GALNT13: variants seen among roughly 807,000 people sequenced by gnomAD.
GALNT13 encodes UDP-GalNAc:polypeptide N-acetylgalactosaminyltransferase 13.
A neutral mutation model predicts 64.2 loss-of-function variants in GALNT13; 28 were observed. The observed-to-expected ratio is 0.44, with a 90% CI of 0.32 to 0.60. The LOEUF (loss-of-function observed/expected upper bound fraction) is 0.60. Among genes scored for constraint, GALNT13 ranks in the 20% least tolerant of loss-of-function variants. GALNT13 has a pLI of 0.05. For missense variants in GALNT13, 577 were observed against 669.8 expected (o/e 0.86, Z 1.53); for synonymous variants, 214 against 224.6 (o/e 0.95, Z 0.42).
rs181385110 is a variant in GALNT13 at position 154,012,598 on chromosome 2, T to C, written c.142+67959T>C. ...AGGGGTTCTCTGTATTTTTTGAACA[T>C]GAATATTGGCCTCTCTGGGGACATG... On this transcript the variant is annotated intron_variant, in intron 3 of 12. Transcript: ENST00000392825. Among the ~76,000 whole-genome samples the C allele has an allele frequency of 8.2e-3, 1,254 of 152,268 alleles. 7 individuals carry two copies. The highest frequency in any genetic ancestry group is 0.014 in the South Asian group (66 of 4,824).
At chr2:153,734,131 G>A in the GALNT13 span, among the ~76,000 whole-genome samples, 4 of 152,070 alleles carry the variant, frequency 2.6e-5, no homozygotes, top group Non-Finnish European at 4.4e-5. Flanking sequence ...TAAGTTTTCT[G>A]GCTTCTGGTG....
the GALNT13 span, among the ~76,000 whole-genome samples, chr2:153,278,299 G>A: frequency 6.6e-6 from 1 of 152,074 alleles, no homozygotes; most frequent in East Asian, 1.9e-4. Flanking sequence ...CTGTCATTCT[G>A]TAGGTTGTCT....
the GALNT13 span, among the ~76,000 whole-genome samples, chr2:153,207,830 C>T: frequency 6.6e-6 from 1 of 152,124 alleles, no homozygotes; most frequent in Non-Finnish European, 1.5e-5. Flanking sequence ...AAGCACTTGG[C>T]AGCACCAAAT....
intron 3 of GALNT13, among the ~76,000 whole-genome samples, chr2:154,060,818 T>C (rs960499761): frequency 3.3e-5 from 5 of 151,930 alleles, no homozygotes; most frequent in African/African-American, 4.8e-5. Context: ...CAAGAAAGTA[T>C]ATTAGGAAAG....
At chr2:153,209,560 C>T in the GALNT13 span, among the ~76,000 whole-genome samples, 1 of 152,150 alleles carries the variant, frequency 6.6e-6, no homozygotes, top group East Asian at 1.9e-4. Flanking sequence ...ACTTTCTTGA[C>T]TACTGTAGCT....
the GALNT13 span, among the ~76,000 whole-genome samples, chr2:153,279,564 C>T: frequency 7.1e-6 from 1 of 140,300 alleles, no homozygotes; most frequent in Non-Finnish European, 1.5e-5. Context: ...GGGCTTTTAT[C>T]ATGAAGAAAT....
chr2:153,187,999 T>C, the GALNT13 span, among the ~76,000 whole-genome samples: 1 of 152,058 alleles, frequency 6.6e-6, no homozygotes. Flanking sequence ...TTGTTAAATA[T>C]AAGCATGTAT....
the GALNT13 span, among the ~76,000 whole-genome samples, chr2:153,850,473 C>G: frequency 1.3e-5 from 2 of 152,114 alleles, no homozygotes; most frequent in African/African-American, 4.8e-5. Flanking sequence ...TATAAAAACA[C>G]AAGAAGTTTT....
the GALNT13 span, among the ~76,000 whole-genome samples, chr2:153,373,157 T>TGTGTGTGTGC: frequency 6.6e-6 from 1 of 151,918 alleles, no homozygotes; most frequent in Non-Finnish European, 1.5e-5. Context: ...TGTGTGTGTG[T>TGTGTGTGTGC]GTGCACGTGT....
the GALNT13 span, among the ~76,000 whole-genome samples, chr2:153,368,568 A>C: frequency 6.6e-6 from 1 of 152,176 alleles, no homozygotes; most frequent in African/African-American, 2.4e-5. Flanking sequence ...GGGTATTATT[A>C]GGGATAAAGA....
intron 4 of GALNT13, among the ~76,000 whole-genome samples, chr2:154,163,567 G>T (rs1684860305): frequency 1.3e-5 from 2 of 152,178 alleles, no homozygotes; most frequent in South Asian, 4.1e-4. Flanking sequence ...TGTGGCAGTT[G>T]TGCTGATTGG....
At chr2:153,650,771 G>A in the GALNT13 span, among the ~76,000 whole-genome samples, 1 of 152,018 alleles carries the variant, frequency 6.6e-6, no homozygotes, top group Non-Finnish European at 1.5e-5. Context: ...AGGCAAACAG[G>A]TTTGGAGTGT....
chr2:153,629,638 T>C, the GALNT13 span, among the ~76,000 whole-genome samples: 3 of 151,780 alleles, frequency 2.0e-5, no homozygotes, highest in African/African-American at 7.3e-5. Flanking sequence ...AAAAGACAAA[T>C]TGACAAATGG....
chr2:153,941,815 A>G (rs1691359502), intron 2 of GALNT13, among the ~76,000 whole-genome samples: 1 of 152,198 alleles, frequency 6.6e-6, no homozygotes, highest in Non-Finnish European at 1.5e-5. Flanking sequence ...ATTAAAAAAT[A>G]CAAGCAGAGT....
the GALNT13 span, among the ~76,000 whole-genome samples, chr2:153,199,270 G>A: frequency 3.3e-5 from 5 of 152,334 alleles, no homozygotes; most frequent in Admixed American, 1.3e-4. Flanking sequence ...TGACTAACTC[G>A]TGTCAGAGGC....
the GALNT13 span, among the ~76,000 whole-genome samples, chr2:153,332,721 G>T: frequency 6.6e-6 from 1 of 152,110 alleles, no homozygotes; most frequent in Non-Finnish European, 1.5e-5. Context: ...ATGGAGTGGA[G>T]AGGGCTTTGT....
chr2:153,594,724 C>T, the GALNT13 span, among the ~76,000 whole-genome samples: 1 of 152,172 alleles, frequency 6.6e-6, no homozygotes, highest in Admixed American at 6.6e-5. Context: ...TCAAGCGGGT[C>T]CCCTGACTGT....
chr2:153,846,977 T>C, the GALNT13 span, among the ~76,000 whole-genome samples: 3 of 152,094 alleles, frequency 2.0e-5, no homozygotes, highest in Non-Finnish European at 4.4e-5. Context: ...AAATAAAATA[T>C]AATTTAAGCT....
chr2:153,758,661 T>G, the GALNT13 span, among the ~76,000 whole-genome samples: 141 of 152,262 alleles, frequency 9.3e-4, 3 homozygotes, highest in East Asian at 0.024. Flanking sequence ...GGCATGATCT[T>G]GGCTCACTGC....
Sources: gnomAD v4.1 joint callset for allele counts (sites outside exome capture counted in the v4.1 genomes callset) on GRCh38, gnomAD v4.1.1 for gene constraint, MANE v1.5 for transcripts, NCBI Gene and HGNC (gene_info 2026-07-23, HGNC 2026-07-21) for gene names.